CDH18: variants seen among roughly 807,000 people sequenced by gnomAD.
The protein encoded by CDH18 is cadherin 18.
CDH18 carries 31 observed loss-of-function variants against 67.9 expected under a neutral mutation model. The ratio of observed to expected loss-of-function variants is 0.46; its 90% CI spans 0.34 to 0.62. The LOEUF (loss-of-function observed/expected upper bound fraction) is 0.62, where lower values mean the gene tolerates loss of function less well. CDH18 is among the 20% of genes least tolerant of loss of function. The pLI, the probability that CDH18 is intolerant of heterozygous loss-of-function variation, is 0.01. For synonymous variants in CDH18, 362 were observed against 347.2 expected, an observed-to-expected ratio of 1.04 and a Z score of -0.48; for missense variants, 890 against 975.5, an observed-to-expected ratio of 0.91 and a Z score of 1.17.
intron 2 of CDH18, among the ~76,000 whole-genome samples, chr5:20,070,842 A>C (rs1743420133): frequency 1.3e-5 from 2 of 152,198 alleles, no homozygotes; most frequent in African/African-American, 2.4e-5. Flanking sequence ...GAAACAAATA[A>C]CAATTATGAC....
intron 1 of CDH18, among the ~76,000 whole-genome samples, chr5:20,416,718 G>C (rs1010050951): frequency 1.3e-5 from 2 of 152,018 alleles, no homozygotes; most frequent in Non-Finnish European, 2.9e-5. Context: ...ATAGAGTCTT[G>C]AATAAAAGAC....
intron 1 of CDH18, among the ~76,000 whole-genome samples, chr5:20,286,529 G>A (rs1182633796): frequency 1.3e-5 from 2 of 151,586 alleles, no homozygotes; most frequent in Non-Finnish European, 3.0e-5. Flanking sequence ...ATAGACCTTG[G>A]TACTTGGAGC....
intron 5 of CDH18, among the ~76,000 whole-genome samples, chr5:19,654,680 C>A (rs529125643): frequency 6.6e-6 from 1 of 152,276 alleles, no homozygotes; most frequent in African/African-American, 2.4e-5. Context: ...GCTCAGTGCC[C>A]TCTTGGTACC....
intron 1 of CDH18, among the ~76,000 whole-genome samples, chr5:20,325,520 G>C (rs956846665): frequency 6.6e-6 from 1 of 152,032 alleles, no homozygotes; most frequent in Non-Finnish European, 1.5e-5. Flanking sequence ...CATCCACTGT[G>C]ACCCTATGAC....
intron 1 of CDH18, among the ~76,000 whole-genome samples, chr5:20,330,068 G>T (rs1739020232): frequency 6.6e-6 from 1 of 151,866 alleles, no homozygotes; most frequent in Non-Finnish European, 1.5e-5. Context: ...TTAAAATAAA[G>T]TAAAAAATAT....
rs572386061 is a variant in CDH18 at position 20,394,488 on chromosome 5, C to A, written c.-579-138983G>T. ...AACCATTAACATTTTAGAAGAAAAT[C>A]TAGGAAAACCTCTTCTGGGCGTTGG... On this transcript the variant is annotated intron_variant, in intron 1 of 14. Coordinates refer to the CDH18 transcript ENST00000507958. 1.1e-3 allele frequency among the ~76,000 whole-genome samples: 161 copies of A among 152,118 alleles called. 2 individuals carry two copies. Among genetic ancestry groups the A allele is most frequent in the African/African-American group, 3.8e-3 (159 of 41,538 alleles).
intron 1 of CDH18, among the ~76,000 whole-genome samples, chr5:20,547,658 A>T (rs1390062988): frequency 6.6e-6 from 1 of 152,154 alleles, no homozygotes; most frequent in Non-Finnish European, 1.5e-5. Flanking sequence ...ATATTAGGAC[A>T]TCCTAGTCAA....
chr5:19,815,622 T>C (rs1267634771), intron 3 of CDH18, among the ~76,000 whole-genome samples: 2 of 152,062 alleles, frequency 1.3e-5, no homozygotes, highest in East Asian at 3.9e-4. Context: ...AGGTCAGTGA[T>C]AGTGATGATG....
intron 4 of CDH18, among the ~76,000 whole-genome samples, chr5:19,726,563 TAGC>T (rs1766875811): frequency 6.6e-6 from 1 of 152,094 alleles, no homozygotes; most frequent in Non-Finnish European, 1.5e-5. Context: ...TGGACATAAA[TAGC>T]AGGGATGGAA....
At chr5:20,201,857 A>C (rs776233646) in intron 2 of CDH18, among the ~76,000 whole-genome samples, 1 of 152,196 alleles carries the variant, frequency 6.6e-6, no homozygotes, top group Non-Finnish European at 1.5e-5. Context: ...GGGGACAATT[A>C]AACTGCTAGC....
chr5:20,052,431 A>C (rs1405307352), intron 2 of CDH18, among the ~76,000 whole-genome samples: 1 of 152,092 alleles, frequency 6.6e-6, no homozygotes, highest in Non-Finnish European at 1.5e-5. Flanking sequence ...GTTTGGGTGC[A>C]ACCGATAGTC....
rs552482579 is a variant in CDH18, at chr5:19,656,740, T to C, written c.644-44139A>G. Among the ~76,000 whole-genome samples the C allele has an allele frequency of 1.2e-4, 18 of 152,272 alleles. No individual in the cohort carries two copies. In the South Asian group the frequency reaches 3.5e-3, roughly 30 times the overall value. Reference sequence around the variant, plus strand: ...GGTTTCTGATCTCAATTTTGATGTTTATACATAGAGTAACAATTGAAATGT... The same window carrying C: ...GGTTTCTGATCTCAATTTTGATGTTCATACATAGAGTAACAATTGAAATGT... On this transcript the variant is annotated intron_variant, in intron 5 of 12. Coordinates refer to ENST00000382275, the MANE Select transcript of CDH18 (RefSeq NM_004934.5).
chr5:19,810,505 C>T (rs1428846039), intron 3 of CDH18, among the ~76,000 whole-genome samples: 1 of 151,650 alleles, frequency 6.6e-6, no homozygotes, highest in African/African-American at 2.4e-5. Flanking sequence ...GAAATTATAT[C>T]AATTAGAAGT....
intron 3 of CDH18, among the ~76,000 whole-genome samples, chr5:19,764,174 T>G (rs1772761811): frequency 8.6e-6 from 1 of 116,038 alleles, no homozygotes; most frequent in African/African-American, 3.2e-5. Context: ...AGACTCTGTC[T>G]CAAAAAAAAA....
At chr5:20,107,833 T>C (rs946659406) in intron 2 of CDH18, among the ~76,000 whole-genome samples, 8 of 152,068 alleles carry the variant, frequency 5.3e-5, no homozygotes, top group African/African-American at 1.9e-4. Flanking sequence ...GTTACATATG[T>C]ATACATGTGC....
chr5:20,129,597 T>A (rs984947207), intron 2 of CDH18, among the ~76,000 whole-genome samples: 3 of 152,030 alleles, frequency 2.0e-5, no homozygotes, highest in African/African-American at 7.3e-5. Flanking sequence ...TAAAGAGACA[T>A]CAGGCGATTG....
chr5:20,223,788 A>G (rs1741406391), intron 2 of CDH18, among the ~76,000 whole-genome samples: 1 of 151,968 alleles, frequency 6.6e-6, no homozygotes, highest in African/African-American at 2.4e-5. Flanking sequence ...TGTAGGGGGA[A>G]CTTGTGTTCT....
chr5:19,980,475 T>C lies in CDH18; in HGVS notation c.-257+585A>G, dbSNP rs892350458. On this transcript the variant is annotated intron_variant, in intron 2 of 12. Transcript: ENST00000382275. ...AATATATATTGAATATGTGTTCATA[T>C]GTATTTGTGAGTTTCCATTTCCATA... Among the ~76,000 whole-genome samples, 5 of 152,292 alleles carry C rather than the reference T, an allele frequency of 3.3e-5. No homozygotes were observed. In the South Asian group the frequency reaches 8.3e-4, roughly 25 times the overall value.
chr5:20,196,299 AC>A (rs1307149907), intron 2 of CDH18, among the ~76,000 whole-genome samples: 5 of 152,156 alleles, frequency 3.3e-5, no homozygotes, highest in African/African-American at 1.2e-4. Context: ...AAATATATAT[AC>A]TTTTAAAACT....
Sources: allele counts gnomAD v4.1 joint callset (sites outside exome capture counted in the v4.1 genomes callset), GRCh38; gene constraint gnomAD v4.1.1; transcripts MANE v1.5; gene names NCBI Gene and HGNC (gene_info 2026-07-23, HGNC 2026-07-21).